The following FRMD6 variants were observed in gnomAD, a reference collection of about 807,000 sequenced individuals.
The protein encoded by FRMD6 is FERM domain containing 6.
In FRMD6, 37 loss-of-function variants were observed where a neutral mutation model predicts 73.2. The ratio of observed to expected loss-of-function variants is 0.51; its 90% CI spans 0.39 to 0.66. The LOEUF is 0.66. FRMD6 is among the 30% of genes least tolerant of loss of function. The probability of loss-of-function intolerance (pLI) is 0.00; values close to 1 mark genes in which losing one functional copy is unlikely to be tolerated. For missense variants in FRMD6, 714 were observed against 780.5 expected (o/e 0.91, Z 1.02); for synonymous variants, 273 against 282.2 (o/e 0.97, Z 0.33).
intron 1 of FRMD6, among the ~76,000 whole-genome samples, chr14:51,562,958 A>G (rs1301522620): frequency 1.3e-5 from 2 of 152,142 alleles, no homozygotes; most frequent in Non-Finnish European, 2.9e-5. Context: ...AGCTAGGGAG[A>G]CTCATGACCT....
the FRMD6 span, among the ~76,000 whole-genome samples, chr14:51,450,668 G>A: frequency 1.8e-4 from 28 of 152,032 alleles, no homozygotes; most frequent in Non-Finnish European, 4.0e-4. Context: ...TGGGATTTTT[G>A]TATGAGATCT....
chr14:51,610,822 C>T (rs1177578002), intron 2 of FRMD6, among the ~76,000 whole-genome samples: 1 of 152,152 alleles, frequency 6.6e-6, no homozygotes. Flanking sequence ...TCCAAGTTGA[C>T]TCAGGTGTTT....
At chr14:51,480,534 AT>A in the FRMD6 span, among the ~76,000 whole-genome samples, 6 of 152,180 alleles carry the variant, frequency 3.9e-5, no homozygotes, top group Non-Finnish European at 8.8e-5. Context: ...GACTGGAATC[AT>A]CTATTTGCCT....
chr14:51,473,846 C>G, the FRMD6 span, among the ~76,000 whole-genome samples: 2 of 149,902 alleles, frequency 1.3e-5, no homozygotes, highest in Admixed American at 6.6e-5. Flanking sequence ...TTTTAAATCC[C>G]AAGATGTATT....
In FRMD6 at chr14:51,720,340, G is replaced by A. The variant is rs761064252; in HGVS notation, c.1310G>A (p.Gly437Glu). 3.1e-6 allele frequency: 5 copies of A among 1,613,746 alleles called. No individual in the cohort carries two copies. In the African/African-American group the frequency reaches 5.3e-5, roughly 17 times the overall value. ...MTSHGSSHTS[G>E]VESGGKDRLE... ...AGTCATGGCAGCTCCCACACCTCAGGGGTGGAGAGTGGCGGCAAAGACCGG... is the reference window on the plus strand; with the variant it reads ...AGTCATGGCAGCTCCCACACCTCAGAGGTGGAGAGTGGCGGCAAAGACCGG... Residue 437 changes from glycine to glutamate, a missense_variant, in exon 11 of 14, where the codon GGG becomes GAG. Gly to Glu is a moderately conservative substitution (Grantham distance 98). Transcript: ENST00000344768.
the FRMD6 span, among the ~76,000 whole-genome samples, chr14:51,410,049 A>G: frequency 6.6e-6 from 1 of 152,306 alleles, no homozygotes; most frequent in Non-Finnish European, 1.5e-5. Context: ...ATGGAGAACT[A>G]CTTTGTTATG....
At chr14:51,558,800 T>C (rs1887306678) in intron 1 of FRMD6, among the ~76,000 whole-genome samples, 1 of 152,274 alleles carries the variant, frequency 6.6e-6, no homozygotes, top group Admixed American at 6.5e-5. Context: ...TTGTCTGCTT[T>C]TCATATTCTT....
chr14:51,681,886 G>A (rs1393217147), intron 1 of FRMD6, among the ~76,000 whole-genome samples: 13 of 152,098 alleles, frequency 8.5e-5, no homozygotes. Flanking sequence ...TATCAACCAT[G>A]CTTTCCAGTT....
At chr14:51,602,740 T>C (rs1218432307) in intron 2 of FRMD6, among the ~76,000 whole-genome samples, 2 of 152,236 alleles carry the variant, frequency 1.3e-5, no homozygotes, top group Non-Finnish European at 2.9e-5. Flanking sequence ...TTTTTCACTT[T>C]CATGCATTTG....
At chr14:51,587,233 C>G in intron 2 of FRMD6, among the ~76,000 whole-genome samples, 1 of 152,126 alleles carries the variant, frequency 6.6e-6, no homozygotes, top group East Asian at 1.9e-4. Flanking sequence ...TCTGGGTTCC[C>G]TATTCTGTTC....
chr14:51,459,789 G>A, the FRMD6 span, among the ~76,000 whole-genome samples: 1 of 138,016 alleles, frequency 7.2e-6, no homozygotes, highest in African/African-American at 2.8e-5. Flanking sequence ...ATCATGCCAA[G>A]GCACTCCAGC....
chr14:51,515,373 C>T (rs189655097), intron 1 of FRMD6, among the ~76,000 whole-genome samples: 80 of 152,344 alleles, frequency 5.3e-4, no homozygotes, highest in African/African-American at 1.9e-3. Context: ...CATCCATCAC[C>T]TTTTGATGCC....
At chr14:51,559,146 G>C (rs1374409188) in intron 1 of FRMD6, among the ~76,000 whole-genome samples, 1 of 152,052 alleles carries the variant, frequency 6.6e-6, no homozygotes, top group Non-Finnish European at 1.5e-5. Context: ...AACATACCCC[G>C]GCAAATAGGC....
intron 1 of FRMD6, among the ~76,000 whole-genome samples, chr14:51,527,432 C>T (rs1023799804): frequency 6.6e-6 from 1 of 152,108 alleles, no homozygotes; most frequent in Admixed American, 6.5e-5. Context: ...CAACAGGTTA[C>T]CATTAGGCAA....
At chr14:51,496,182 G>T (rs1441926999) in intron 1 of FRMD6, among the ~76,000 whole-genome samples, 6 of 152,170 alleles carry the variant, frequency 3.9e-5, no homozygotes, top group Admixed American at 2.0e-4. Flanking sequence ...GAGCATGGTG[G>T]TGACAGTGTT....
intron 1 of FRMD6, among the ~76,000 whole-genome samples, chr14:51,491,235 T>C (rs1882984266): frequency 6.6e-6 from 1 of 152,228 alleles, no homozygotes; most frequent in East Asian, 1.9e-4. Flanking sequence ...GCTAACTCCT[T>C]AGCTGGACTG....
chr14:51,447,203 G>A, the FRMD6 span, among the ~76,000 whole-genome samples: 1 of 152,134 alleles, frequency 6.6e-6, no homozygotes, highest in African/African-American at 2.4e-5. Flanking sequence ...GCAACAGCAA[G>A]GCCACTCTGG....
At chr14:51,502,255 C>T (rs1016106914) in intron 1 of FRMD6, among the ~76,000 whole-genome samples, 2 of 152,096 alleles carry the variant, frequency 1.3e-5, no homozygotes, top group Admixed American at 6.5e-5. Flanking sequence ...TTGGCATTTT[C>T]GTCATGAAAT....
intron 1 of FRMD6, among the ~76,000 whole-genome samples, chr14:51,659,987 A>G (rs1469896585): frequency 6.6e-6 from 1 of 152,192 alleles, no homozygotes; most frequent in Non-Finnish European, 1.5e-5. Flanking sequence ...CCTAATTACG[A>G]GCTCAGCTAA....
Sources: gnomAD v4.1 joint callset for allele counts (sites outside exome capture counted in the v4.1 genomes callset) on GRCh38, gnomAD v4.1.1 for gene constraint, MANE v1.5 for transcripts, NCBI Gene and HGNC (gene_info 2026-07-23, HGNC 2026-07-21) for gene names.